C11orf65: variants seen among roughly 807,000 people sequenced by gnomAD.
C11orf65 encodes the protein chromosome 11 open reading frame 65.
Under a neutral mutation model 35.3 loss-of-function variants are expected in C11orf65, and 38 were observed. The observed-to-expected ratio is 1.08, with a 90% CI of 0.83 to 1.41. The LOEUF (loss-of-function observed/expected upper bound fraction) is 1.41. C11orf65 is among the 40% of genes most tolerant of loss of function. The pLI is 0.00. For missense variants in C11orf65, 370 were observed against 367.1 expected (o/e 1.01, Z -0.06); for synonymous variants, 105 against 114.4 (o/e 0.92, Z 0.53).
intron 2 of C11orf65, among the ~76,000 whole-genome samples, chr11:108,445,005 T>G (rs1221065862): frequency 6.6e-6 from 1 of 152,172 alleles, no homozygotes; most frequent in Non-Finnish European, 1.5e-5. Context: ...TCTTGCTGAT[T>G]GCTAGCACAG....
downstream of C11orf65, among the ~76,000 whole-genome samples, chr11:108,381,954 C>T (rs1230625438): frequency 6.9e-6 from 1 of 144,138 alleles, no homozygotes; most frequent in Non-Finnish European, 1.5e-5. Flanking sequence ...CTCTCTCTCT[C>T]TCAGGTTGCT....
At chr11:108,374,382 T>G (rs1255599030) in intron 2 of C11orf65, among the ~76,000 whole-genome samples, 2 of 152,170 alleles carry the variant, frequency 1.3e-5, no homozygotes, top group Admixed American at 1.3e-4. Flanking sequence ...AAACAGGGTC[T>G]GGAGTGGACC....
At chr11:108,413,419 C>T (rs2092687902) in intron 3 of C11orf65, among the ~76,000 whole-genome samples, 1 of 152,186 alleles carries the variant, frequency 6.6e-6, no homozygotes, top group African/African-American at 2.4e-5. Flanking sequence ...TTAGCATCCA[C>T]TTCTATGTGA....
intron 3 of C11orf65, among the ~76,000 whole-genome samples, chr11:108,421,201 T>G (rs1238180702): frequency 1.3e-5 from 2 of 152,208 alleles, no homozygotes; most frequent in Non-Finnish European, 2.9e-5. Context: ...ATTTTTAGGT[T>G]TGCCTGTTCC....
chr11:108,331,380 G>T (rs887280976), downstream of C11orf65: 1 of 1,564,642 alleles, frequency 6.4e-7, no homozygotes, highest in African/African-American at 1.4e-5. Flanking sequence ...TAACTTACTT[G>T]CTTAGATGTG....
At chr11:108,312,547 T>C (rs1243915284) in intron 6 of C11orf65, 5 of 1,386,930 alleles carry the variant, frequency 3.6e-6, no homozygotes, top group Admixed American at 3.4e-5. Context: ...TCTCATACTT[T>C]GGGTTATTTT....
chr11:108,401,938 T>A (rs764157922), intron 6 of C11orf65, among the ~76,000 whole-genome samples: 4 of 152,232 alleles, frequency 2.6e-5, no homozygotes, highest in Non-Finnish European at 5.9e-5. Context: ...CAGGTGAGTA[T>A]GGCCATATCA....
chr11:108,465,590 A>C (rs2093524955), intron 1 of C11orf65, among the ~76,000 whole-genome samples: 1 of 152,166 alleles, frequency 6.6e-6, no homozygotes, highest in Admixed American at 6.5e-5. Flanking sequence ...AGGAAGTGGG[A>C]AAGTTGAGAC....
chr11:108,327,740 G>A (rs753951063), downstream of C11orf65: 3 of 1,613,794 alleles, frequency 1.9e-6, no homozygotes, highest in African/African-American at 1.3e-5. Flanking sequence ...CGGTCATCAT[G>A]CAGACCTATC....
intron 2 of C11orf65, among the ~76,000 whole-genome samples, chr11:108,348,552 G>A (rs570215126): frequency 1.4e-3 from 210 of 151,952 alleles, no homozygotes; most frequent in South Asian, 6.9e-3. Context: ...GGAATAGACA[G>A]TTTAATATAT....
intron 2 of C11orf65, among the ~76,000 whole-genome samples, chr11:108,447,371 C>G (rs570845387): frequency 1.3e-5 from 2 of 151,904 alleles, no homozygotes; most frequent in East Asian, 3.9e-4. Flanking sequence ...CAAAATTGAC[C>G]ACATAGTTGG....
Position 108,345,821 on chromosome 11 carries a change from T to C in C11orf65, c.227-10529A>G, listed in dbSNP as rs774171813. 1.9e-6 allele frequency: 3 copies of C among 1,613,814 alleles called. No individual in the cohort carries two copies. Among genetic ancestry groups the C allele is most frequent in the Non-Finnish European group, 2.5e-6 (3 of 1,179,866 alleles). On this transcript the variant is annotated intron_variant, in intron 2 of 3. Transcript: ENST00000524755. ...CCAAAATTTTCAACCAGTTTTCCGTTACTTCTGCATGGAAAAATTCTTGGA... is the reference window on the plus strand; with the variant it reads ...CCAAAATTTTCAACCAGTTTTCCGTCACTTCTGCATGGAAAAATTCTTGGA...
At chr11:108,444,130 A>C (rs544632101) in intron 2 of C11orf65, among the ~76,000 whole-genome samples, 233 of 152,230 alleles carry the variant, frequency 1.5e-3, no homozygotes, top group Non-Finnish European at 2.5e-3. Context: ...AAAAATGATA[A>C]AGGGGATATC....
At chr11:108,405,109 A>G (rs2092516193) in intron 6 of C11orf65, among the ~76,000 whole-genome samples, 1 of 152,216 alleles carries the variant, frequency 6.6e-6, no homozygotes, top group Non-Finnish European at 1.5e-5. Context: ...GGAAGTCCAC[A>G]ATGTCAGTTA....
At chr11:108,460,974 C>G (rs367800423) in intron 2 of C11orf65, among the ~76,000 whole-genome samples, 1 of 152,118 alleles carries the variant, frequency 6.6e-6, no homozygotes, top group African/African-American at 2.4e-5. Flanking sequence ...ATCCGCCTGC[C>G]TCAGCCTCTC....
At chr11:108,456,789 AAAAG>A (rs913847776) in intron 2 of C11orf65, among the ~76,000 whole-genome samples, 5 of 150,808 alleles carry the variant, frequency 3.3e-5, no homozygotes, top group Non-Finnish European at 5.9e-5. Flanking sequence ...AAAGAAAAAA[AAAAG>A]AAAGAAAGAA....
At chr11:108,383,241 CTG>C in intron 8 of C11orf65, 66 bp from the exon 9 acceptor site, 4 of 1,332,716 alleles carry the variant, frequency 3.0e-6, no homozygotes, top group Middle Eastern at 2.4e-4. Context: ...CAAAATGCTA[CTG>C]TGTTGTGGTC....
chr11:108,394,084 G>A (rs980390492), intron 6 of C11orf65, among the ~76,000 whole-genome samples: 2 of 150,278 alleles, frequency 1.3e-5, no homozygotes, highest in Non-Finnish European at 2.9e-5. Context: ...GGAAGCTGAG[G>A]CAGGAGAATC....
chr11:108,421,741 G>C (rs1309971563), intron 3 of C11orf65, among the ~76,000 whole-genome samples: 2 of 152,086 alleles, frequency 1.3e-5, no homozygotes, highest in African/African-American at 2.4e-5. Context: ...GCCCCAAAAA[G>C]CCACACCAGG....
Sources: allele counts gnomAD v4.1 joint callset (sites outside exome capture counted in the v4.1 genomes callset), GRCh38; gene constraint gnomAD v4.1.1; transcripts MANE v1.5; gene names NCBI Gene and HGNC (gene_info 2026-07-23, HGNC 2026-07-21).